CHFR: variants seen among roughly 807,000 people sequenced by gnomAD.
CHFR encodes checkpoint with forkhead and ring finger domains.
Under a neutral mutation model 87.6 loss-of-function variants are expected in CHFR, and 57 were observed. The ratio of observed to expected loss-of-function variants is 0.65; its 90% CI spans 0.53 to 0.81. The LOEUF is 0.81. Among genes scored for constraint, CHFR ranks in the 30% least tolerant of loss-of-function variants. The pLI is 0.00. For missense variants in CHFR, 797 were observed against 865.8 expected (o/e 0.92, Z 1.00); for synonymous variants, 381 against 359.2 (o/e 1.06, Z -0.69).
intron 9 of CHFR, among the ~76,000 whole-genome samples, chr12:132,857,179 G>A (rs1951096181): frequency 7.2e-6 from 1 of 138,962 alleles, no homozygotes; most frequent in African/African-American, 2.8e-5. Flanking sequence ...GCCCTCACGT[G>A]CCCAGGTGGT....
At chr12:132,872,151 T>A (rs988125067) in intron 4 of CHFR, 134 bp downstream of exon 4, 1 of 655,750 alleles carries the variant, frequency 1.5e-6, no homozygotes. Flanking sequence ...CAGGAACCCA[T>A]GTGAGCAAGA....
intron 2 of CHFR, among the ~76,000 whole-genome samples, chr12:132,884,688 G>A (rs1333767259): frequency 6.6e-6 from 1 of 152,130 alleles, no homozygotes; most frequent in African/African-American, 2.4e-5. Flanking sequence ...TCTGCCATGT[G>A]AGGACACAGC....
Position 132,837,126 on chromosome 12 carries a change from G to A in CHFR, c.*4428C>T, listed in dbSNP as rs1398957307. The A allele has an allele frequency of 6.7e-6, 2 of 297,322 alleles. No individual in the cohort carries two copies. The allele number at this position is 297,322 out of a possible 1,614,324, so 18.4% of individuals were successfully genotyped here. Reference sequence around the variant, plus strand: ...GGTGGAGAAGCAGAGGAACACCTGAGGGGCTCCAGGAGAAGCAGGTAGGGA... The same window carrying A: ...GGTGGAGAAGCAGAGGAACACCTGAAGGGCTCCAGGAGAAGCAGGTAGGGA... On this transcript the variant is annotated 3_prime_UTR_variant, in exon 18 of 18. Coordinates refer to ENST00000450056, the MANE Select transcript of CHFR (RefSeq NM_001161346.2).
intron 17 of CHFR, among the ~76,000 whole-genome samples, chr12:132,842,207 C>T (rs751314685): frequency 6.6e-6 from 1 of 152,060 alleles, no homozygotes; most frequent in Non-Finnish European, 1.5e-5. Context: ...GTGGCATCTG[C>T]TGACAGGGCT....
intron 16 of CHFR, 152 bp downstream of exon 16, chr12:132,843,875 G>T: frequency 1.9e-6 from 1 of 518,244 alleles, no homozygotes; most frequent in Non-Finnish European, 3.6e-6. Context: ...CTCGAACTCA[G>T]GAGGCAGAGG....
intron 2 of CHFR, among the ~76,000 whole-genome samples, chr12:132,878,296 C>T (rs1951677866): frequency 6.6e-6 from 1 of 151,862 alleles, no homozygotes; most frequent in African/African-American, 2.4e-5. Flanking sequence ...CAGTGAAACC[C>T]CATATCTACT....
At chr12:132,842,889 A>G in intron 17 of CHFR, 122 bp downstream of exon 17, 1 of 770,394 alleles carries the variant, frequency 1.3e-6, no homozygotes, top group Non-Finnish European at 2.3e-6. Flanking sequence ...CTAAATGAAG[A>G]TACCGGTTCC....
At chr12:132,879,591 A>G (rs1593531133) in intron 2 of CHFR, among the ~76,000 whole-genome samples, 1 of 151,158 alleles carries the variant, frequency 6.6e-6, no homozygotes, top group East Asian at 2.0e-4. Context: ...AGGTTTCACA[A>G]TGTTGGCCAG....
At chr12:132,886,221 G>C (rs764717212) in intron 2 of CHFR, among the ~76,000 whole-genome samples, 4 of 152,170 alleles carry the variant, frequency 2.6e-5, no homozygotes. Flanking sequence ...TGAGGCGGGA[G>C]AATCACTTGA....
At chr12:132,885,140 T>C (rs1156488316) in intron 2 of CHFR, among the ~76,000 whole-genome samples, 1 of 151,736 alleles carries the variant, frequency 6.6e-6, no homozygotes, top group Non-Finnish European at 1.5e-5. Flanking sequence ...CCGGGCGCGA[T>C]AGCTCACGCC....
intron 2 of CHFR, among the ~76,000 whole-genome samples, chr12:132,883,893 A>C (rs1419986383): frequency 6.6e-6 from 1 of 152,224 alleles, no homozygotes; most frequent in African/African-American, 2.4e-5. Flanking sequence ...CAGGTGGATC[A>C]TTTGATTTGA....
intron 3 of CHFR, among the ~76,000 whole-genome samples, chr12:132,874,021 C>G (rs1951558189): frequency 1.3e-5 from 2 of 152,162 alleles, no homozygotes; most frequent in African/African-American, 4.8e-5. Context: ...CCCCTCCCCT[C>G]CAGCCCACCT....
Position 132,861,653 on chromosome 12 carries a change from A to C in CHFR, c.584-19T>G, listed in dbSNP as rs764257940. On this transcript the variant is annotated intron_variant, in intron 6 of 17. Transcript: ENST00000450056. ...CCAGACCCTGTGAGAGGAATCAAAC[A>C]AGATAGGTGCTGATCCATCCAGCTC... The C allele has an allele frequency of 6.8e-6, 11 of 1,612,506 alleles. No homozygotes were observed. In the Admixed American group the frequency reaches 1.3e-4, roughly 20 times the overall value.
In CHFR at chr12:132,832,880, G is replaced by C. The variant is rs1406261130; in HGVS notation, c.*8674C>G. ...GTTTCCGGATACTTCCGTTACCTCAGAAGGATCCTTCTTGCATTCACTCCC... is the reference window on the plus strand; with the variant it reads ...GTTTCCGGATACTTCCGTTACCTCACAAGGATCCTTCTTGCATTCACTCCC... On this transcript the variant is annotated 3_prime_UTR_variant, in exon 18 of 18. Transcript: ENST00000450056. 2 of 152,196 alleles carry C rather than the reference G, an allele frequency of 1.3e-5. No homozygotes were observed. The highest frequency in any genetic ancestry group is 2.9e-5 in the Non-Finnish European group (2 of 68,042). 9.4% of individuals were successfully genotyped at this position (152,196 alleles called of 1,614,324 possible). A position where few individuals can be genotyped will look rare whatever the true frequency, so the allele number is the denominator to read the frequency against.
chr12:132,878,155 C>G (rs1951673061), intron 2 of CHFR, among the ~76,000 whole-genome samples: 1 of 152,116 alleles, frequency 6.6e-6, no homozygotes, highest in African/African-American at 2.4e-5. Context: ...TCAATACCTC[C>G]AGTTACACAC....
chr12:132,848,423 G>C, intron 13 of CHFR: 1 of 708,742 alleles, frequency 1.4e-6, no homozygotes, highest in Non-Finnish European at 2.4e-6. Context: ...TTCTGTCCTG[G>C]GAGTATCTCC....
chr12:132,847,932 C>G lies in CHFR; in HGVS notation c.1647+153G>C, dbSNP rs1950862071. On this transcript the variant is annotated intron_variant, in intron 14 of 17. Transcript: ENST00000450056. ...ACACCAATGGCATGCAGAGAACCAG[C>G]TGGCTGCACCAGTGAGGAAACATGG... The G allele has an allele frequency of 8.1e-6, 12 of 1,486,274 alleles. No individual in the cohort carries two copies. The South Asian group carries it at 1.5e-4, about 18-fold the overall frequency. The allele number at this position is 1,486,274 out of a possible 1,614,324, so 92.1% of individuals were successfully genotyped here.
At position 132,866,555 on chromosome 12, in the gene CHFR, C is replaced by T. The variant is rs1401841318; in HGVS notation, c.583+3064G>A. ...ACACACCGGATGTTACAACACACCG[C>T]GATTGTTACAACACACCAGAATGTT... On this transcript the variant is annotated intron_variant, in intron 6 of 17. Coordinates refer to ENST00000450056, the MANE Select transcript of CHFR (RefSeq NM_001161346.2). 2.1e-5 allele frequency: 3 copies of T among 143,746 alleles called. No individual in the cohort carries two copies. The East Asian group carries it at 5.8e-4, about 28-fold the overall frequency. 8.9% of individuals were successfully genotyped at this position (143,746 alleles called of 1,614,324 possible). A position where few individuals can be genotyped will look rare whatever the true frequency, so the allele number is the denominator to read the frequency against.
chr12:132,865,218 T>C (rs1951307094), intron 6 of CHFR, among the ~76,000 whole-genome samples: 1 of 152,192 alleles, frequency 6.6e-6, no homozygotes, highest in African/African-American at 2.4e-5. Context: ...GCATGCTGGA[T>C]CTAGCTGTGA....
Sources: allele counts gnomAD v4.1 joint callset (sites outside exome capture counted in the v4.1 genomes callset), GRCh38; gene constraint gnomAD v4.1.1; transcripts MANE v1.5; gene names NCBI Gene and HGNC (gene_info 2026-07-23, HGNC 2026-07-21).